Variants in COL27A1 observed in about 807,000 individuals in gnomAD.
The protein encoded by COL27A1 is collagen alpha-1(XXVII) chain.
In COL27A1, 106 loss-of-function variants were observed where a neutral mutation model predicts 251.3. The ratio of observed to expected loss-of-function variants is 0.42; its 90% CI spans 0.36 to 0.50. COL27A1 has a LOEUF of 0.50. Ranked by LOEUF, COL27A1 falls within the 20% of genes least tolerant of loss-of-function variation. The pLI, the probability that COL27A1 is intolerant of heterozygous loss-of-function variation, is 0.00. For synonymous variants in COL27A1, 1,000 were observed against 986.3 expected (o/e 1.01, Z -0.26); for missense variants, 2,325 against 2,522.8 (o/e 0.92, Z 1.68).
chr9:114,264,312 G>C (rs780325682), intron 28 of COL27A1, 43 bp from the exon 29 acceptor site: 21 of 1,494,990 alleles, frequency 1.4e-5, no homozygotes, highest in Non-Finnish European at 1.8e-5. Flanking sequence ...GCCCGAGGGA[G>C]ACCCCTGCTG....
At chr9:114,218,457 A>G (rs1347630099) in intron 12 of COL27A1, 2 of 152,290 alleles carry the variant, frequency 1.3e-5, no homozygotes, top group Non-Finnish European at 2.9e-5. Flanking sequence ...TGCTTGCTTT[A>G]TGACCTTGGC....
chr9:114,282,760 T>C (rs974326191), intron 39 of COL27A1, among the ~76,000 whole-genome samples, 196 bp downstream of exon 39: 4 of 152,184 alleles, frequency 2.6e-5, no homozygotes, highest in African/African-American at 9.7e-5. Flanking sequence ...CAGCCCCGCC[T>C]CCGGAACAGT....
At chr9:114,186,584 C>G (rs1204693353) in intron 5 of COL27A1, among the ~76,000 whole-genome samples, 1 of 152,134 alleles carries the variant, frequency 6.6e-6, no homozygotes, top group Non-Finnish European at 1.5e-5. Flanking sequence ...TCTCAGAGGG[C>G]AGGAAGGTTG....
At chr9:114,163,191 G>A (rs951942468) in intron 2 of COL27A1, among the ~76,000 whole-genome samples, 18 of 151,950 alleles carry the variant, frequency 1.2e-4, no homozygotes, top group African/African-American at 2.7e-4. Flanking sequence ...CCCAGATCAC[G>A]CCACTGCACT....
Position 114,167,541 on chromosome 9 carries a change from G to A in COL27A1, c.134-148G>A, listed in dbSNP as rs10982089. 66,186 of 691,956 alleles carry A rather than the reference G, an allele frequency of 0.096. 3,738 individuals are homozygous for A. The highest frequency in any genetic ancestry group is 0.17 in the Middle Eastern group (549 of 3,142). The allele number at this position is 691,956 out of a possible 1,614,324, so 42.9% of individuals were successfully genotyped here. A position where few individuals can be genotyped will look rare whatever the true frequency, so the allele number is the denominator to read the frequency against. ...ACGCTGCCCTCTCAGCCACCACCAT[G>A]GGGCGGTGTCATTTTTAGATGAATG... On this transcript the variant is annotated intron_variant, in intron 2 of 60. Transcript: ENST00000356083.
At chr9:114,269,735 C>T (rs1320545968) in intron 35 of COL27A1, among the ~76,000 whole-genome samples, 1 of 151,744 alleles carries the variant, frequency 6.6e-6, no homozygotes, top group African/African-American at 2.4e-5. Context: ...TTTCTCGAGG[C>T]ACAAGGAGCA....
chr9:114,252,912 C>A lies in COL27A1; in HGVS notation c.3121C>A (p.Pro1041Thr), dbSNP rs1588774740. ...TGGAATGCCAGGTGGTATGGGGACCCCTGGAGAGCCTGGACCCCAGGTAAG... is the reference window on the plus strand; with the variant it reads ...TGGAATGCCAGGTGGTATGGGGACCACTGGAGAGCCTGGACCCCAGGTAAG... ...HPGMPGGMGT[P>T]GEPGPQGPPG... is the part of the protein sequence containing the mutation. The change falls in exon 27 of 61, where the codon CCT (proline) becomes ACT (threonine). Residue 1041 changes from proline to threonine, a missense_variant. Physicochemically the swap from Pro to Thr is conservative, Grantham distance 38. Transcript: ENST00000356083. 2 of 1,613,680 alleles carry A rather than the reference C, an allele frequency of 1.2e-6. No homozygotes were observed. The highest frequency in any genetic ancestry group is 4.5e-5 in the East Asian group (2 of 44,866).
At chr9:114,306,448 G>T (rs1433762763) in intron 57 of COL27A1, 72 bp from the exon 58 acceptor site, 2 of 1,487,278 alleles carry the variant, frequency 1.3e-6, no homozygotes, top group Non-Finnish European at 1.8e-6. Flanking sequence ...GAGAACTGGG[G>T]GCTGTGGAGG....
At chr9:114,224,648 C>CTTTTT (rs5900075) in intron 14 of COL27A1, among the ~76,000 whole-genome samples, 36 of 97,324 alleles carry the variant, frequency 3.7e-4, no homozygotes, top group African/African-American at 7.1e-4. Context: ...CCTCCTGGTT[C>CTTTTT]TTTTTTTTTT....
chr9:114,179,301 T>C (rs1827711731), intron 4 of COL27A1, among the ~76,000 whole-genome samples: 2 of 152,158 alleles, frequency 1.3e-5, no homozygotes. Flanking sequence ...TGAAGCGGCA[T>C]TTCCTCCTGG....
intron 2 of COL27A1, among the ~76,000 whole-genome samples, chr9:114,164,815 A>G (rs1237132909): frequency 6.6e-6 from 1 of 152,228 alleles, no homozygotes; most frequent in East Asian, 1.9e-4. Flanking sequence ...TTAGCTTAGA[A>G]CCTGAGGACA....
intron 23 of COL27A1, among the ~76,000 whole-genome samples, chr9:114,244,745 G>A (rs553434356): frequency 2.0e-5 from 3 of 152,188 alleles, no homozygotes; most frequent in Non-Finnish European, 1.5e-5. Context: ...TGGCTAGCCC[G>A]AGCCCATGTC....
chr9:114,174,699 C>T (rs1444092638), intron 3 of COL27A1, among the ~76,000 whole-genome samples: 1 of 152,170 alleles, frequency 6.6e-6, no homozygotes, highest in Non-Finnish European at 1.5e-5. Context: ...CATTTCACAG[C>T]TGGACAAACT....
intron 54 of COL27A1, 107 bp from the exon 55 acceptor site, chr9:114,301,575 G>C: frequency 1.3e-6 from 2 of 1,533,954 alleles, no homozygotes; most frequent in Non-Finnish European, 8.8e-7. Context: ...GTCTGTGCCA[G>C]AGGAACCATT....
intron 37 of COL27A1, among the ~76,000 whole-genome samples, chr9:114,278,431 GATA>G (rs1203348256): frequency 7.0e-6 from 1 of 143,848 alleles, no homozygotes; most frequent in African/African-American, 2.6e-5. Flanking sequence ...TAGTGGTAAT[GATA>G]ATGATGATGA....
chr9:114,166,990 T>A (rs889104939), intron 2 of COL27A1, among the ~76,000 whole-genome samples: 17 of 151,952 alleles, frequency 1.1e-4, no homozygotes, highest in Non-Finnish European at 1.0e-4. Flanking sequence ...GGCAGCCCCG[T>A]AGCCTGCTAG....
intron 36 of COL27A1, among the ~76,000 whole-genome samples, chr9:114,274,990 C>G (rs1475684822): frequency 1.3e-5 from 2 of 151,352 alleles, no homozygotes; most frequent in Non-Finnish European, 2.9e-5. Flanking sequence ...CTTTGGGAAG[C>G]TGAGGTGGGA....
intron 37 of COL27A1, among the ~76,000 whole-genome samples, chr9:114,276,103 G>T (rs532202116): frequency 6.6e-6 from 1 of 152,130 alleles, no homozygotes; most frequent in Non-Finnish European, 1.5e-5. Flanking sequence ...CTTTGCATGT[G>T]CTCTGTCTAG....
intron 12 of COL27A1, 119 bp from the exon 13 acceptor site, chr9:114,219,672 C>G: frequency 1.4e-6 from 1 of 731,074 alleles, no homozygotes; most frequent in Admixed American, 2.0e-5. Context: ...CTGCCCATGA[C>G]CAAGGAGTGA....
Sources: gnomAD v4.1 joint callset for allele counts (sites outside exome capture counted in the v4.1 genomes callset) on GRCh38, gnomAD v4.1.1 for gene constraint, MANE v1.5 for transcripts, NCBI Gene and HGNC (gene_info 2026-07-23, HGNC 2026-07-21) for gene names.